The following FOXP2 variants were observed in gnomAD, a reference collection of about 807,000 sequenced individuals.
FOXP2 encodes the protein forkhead box P2, also known as forkhead box protein P2.
A neutral mutation model predicts 115.8 loss-of-function variants in FOXP2; 12 were observed. That is an observed-to-expected ratio of 0.10 (90% CI 0.07 to 0.17). FOXP2 has a LOEUF of 0.17. Among genes scored for constraint, FOXP2 ranks in the 10% least tolerant of loss-of-function variants. The pLI is 1.00. For missense variants in FOXP2, 629 were observed against 843.5 expected, an observed-to-expected ratio of 0.75 and a Z score of 3.15; for synonymous variants, 328 against 297.7, an observed-to-expected ratio of 1.10 and a Z score of -1.05.
intron 2 of FOXP2, among the ~76,000 whole-genome samples, chr7:114,398,548 A>C (rs922846872): frequency 2.6e-5 from 4 of 152,246 alleles, no homozygotes; most frequent in African/African-American, 9.6e-5. Context: ...AACATGAAGA[A>C]AACATTTAAA....
intron 2 of FOXP2, among the ~76,000 whole-genome samples, chr7:114,311,961 C>T (rs1035573288): frequency 6.6e-6 from 1 of 152,076 alleles, no homozygotes; most frequent in Non-Finnish European, 1.5e-5. Context: ...CACTTGTGCA[C>T]CCAGTGTCTT....
intron 2 of FOXP2, chr7:114,366,486 G>A (rs1791885443): frequency 6.6e-6 from 1 of 151,980 alleles, no homozygotes; most frequent in African/African-American, 2.4e-5. Flanking sequence ...TTTGTTTTGT[G>A]TTTGTTTTAA....
chr7:114,648,471 T>C (rs1806045379), intron 8 of FOXP2, among the ~76,000 whole-genome samples: 1 of 152,142 alleles, frequency 6.6e-6, no homozygotes, highest in South Asian at 2.1e-4. Context: ...CCTTTTTAGC[T>C]TATAAAATGC....
intron 3 of FOXP2, among the ~76,000 whole-genome samples, chr7:114,574,694 A>G (rs1331159053): frequency 1.3e-5 from 2 of 151,848 alleles, no homozygotes; most frequent in Non-Finnish European, 2.9e-5. Context: ...AGGTTTTTAC[A>G]CCTAAGTGAA....
At chr7:114,155,476 CAT>C (rs1792639718) in intron 1 of FOXP2, among the ~76,000 whole-genome samples, 1 of 152,084 alleles carries the variant, frequency 6.6e-6, no homozygotes, top group Non-Finnish European at 1.5e-5. Context: ...ATTTCTTTGA[CAT>C]ATTTTGAAAT....
At chr7:114,445,569 A>G (rs1217321739) in intron 2 of FOXP2, among the ~76,000 whole-genome samples, 1 of 152,172 alleles carries the variant, frequency 6.6e-6, no homozygotes, top group Non-Finnish European at 1.5e-5. Context: ...TTCATATCCT[A>G]CTTTGTGGGA....
chr7:114,463,667 G>A lies in FOXP2; in HGVS notation c.168+36988G>A, dbSNP rs1431081177. 2.6e-5 allele frequency among the ~76,000 whole-genome samples: 4 copies of A among 152,092 alleles called. No homozygotes were observed. The South Asian group carries it at 8.3e-4, about 32-fold the overall frequency. On this transcript the variant is annotated intron_variant, in intron 2 of 16. Transcript: ENST00000350908. The stretch of plus-strand genomic sequence containing the variant: ...CTAAGTAAAAAAATACAATTAAAAT[G>A]CAAATCAACATATTTAATACAGTGA...
rs1255368924 is a variant in FOXP2, at chr7:114,134,679, C to T, written c.-246-28265C>T. On this transcript the variant is annotated intron_variant, in intron 1 of 19. Coordinates refer to the FOXP2 transcript ENST00000635638. ...AGTGAGCCGAGATCCCGCCACTGCACTCCAGCCTGGGCGACAGAGCGAGAC... is the reference window on the plus strand; with the variant it reads ...AGTGAGCCGAGATCCCGCCACTGCATTCCAGCCTGGGCGACAGAGCGAGAC... Among the ~76,000 whole-genome samples the T allele has an allele frequency of 4.8e-5, 7 of 145,662 alleles. No individual in the cohort carries two copies. In the Admixed American group the frequency reaches 4.9e-4, roughly 10 times the overall value.
chr7:114,652,701 T>G (rs951427368), intron 9 of FOXP2, among the ~76,000 whole-genome samples: 3 of 152,116 alleles, frequency 2.0e-5, no homozygotes, highest in Non-Finnish European at 2.9e-5. Flanking sequence ...ATATCATGCC[T>G]GTAATATAAC....
chr7:114,364,183 T>C (rs1049348117), intron 2 of FOXP2, among the ~76,000 whole-genome samples: 6 of 152,134 alleles, frequency 3.9e-5, no homozygotes, highest in African/African-American at 1.4e-4. Flanking sequence ...ATATTGAAGG[T>C]TGGTGACAGT....
At chr7:114,477,910 G>A (rs542532232) in intron 2 of FOXP2, among the ~76,000 whole-genome samples, 1 of 151,870 alleles carries the variant, frequency 6.6e-6, no homozygotes, top group Admixed American at 6.6e-5. Context: ...TAAGATAGAA[G>A]ATAACAGCCT....
At chr7:114,213,196 AG>A (rs1415227500) in intron 1 of FOXP2, among the ~76,000 whole-genome samples, 2 of 152,192 alleles carry the variant, frequency 1.3e-5, no homozygotes, top group Non-Finnish European at 2.9e-5. Flanking sequence ...TTATTTACAT[AG>A]GTATTTCTAG....
intron 2 of FOXP2, among the ~76,000 whole-genome samples, chr7:114,430,739 G>T (rs888835948): frequency 6.6e-6 from 1 of 151,860 alleles, no homozygotes; most frequent in African/African-American, 2.4e-5. Context: ...GTGAACATGT[G>T]CTCAGTCTTT....
At chr7:114,635,832 A>T (rs1477960126) in intron 6 of FOXP2, among the ~76,000 whole-genome samples, 4 of 152,206 alleles carry the variant, frequency 2.6e-5, no homozygotes, top group African/African-American at 4.8e-5. Context: ...ATGATGAGAA[A>T]AAGGAAACAT....
chr7:114,495,481 C>CTTTT (rs1797264521), intron 2 of FOXP2, among the ~76,000 whole-genome samples: 1 of 81,902 alleles, frequency 1.2e-5, no homozygotes, highest in African/African-American at 4.7e-5. Flanking sequence ...CTTTCTCTCT[C>CTTTT]TCTTTTTTTT....
intron 3 of FOXP2, among the ~76,000 whole-genome samples, chr7:114,571,868 A>G (rs1470854720): frequency 6.6e-6 from 1 of 151,740 alleles, no homozygotes; most frequent in Non-Finnish European, 1.5e-5. Context: ...AAGGACTACT[A>G]TACACAACTT....
At chr7:114,117,277 A>G (rs1193411160) in intron 1 of FOXP2, among the ~76,000 whole-genome samples, 1 of 150,160 alleles carries the variant, frequency 6.7e-6, no homozygotes, top group Non-Finnish European at 1.5e-5. Context: ...GGTGGAGTGC[A>G]GTGGTGTGAT....
intron 3 of FOXP2, among the ~76,000 whole-genome samples, chr7:114,536,531 G>T (rs1311897409): frequency 6.7e-6 from 1 of 149,184 alleles, no homozygotes; most frequent in Admixed American, 6.8e-5. Context: ...TCTAAAATAA[G>T]AAATTGTTGT....
chr7:114,400,753 C>T (rs1792868175), intron 2 of FOXP2, among the ~76,000 whole-genome samples: 2 of 152,102 alleles, frequency 1.3e-5, no homozygotes, highest in Non-Finnish European at 2.9e-5. Context: ...CTTAATGCTA[C>T]CACTGATTAC....
Sources: allele counts gnomAD v4.1 joint callset (sites outside exome capture counted in the v4.1 genomes callset), GRCh38; gene constraint gnomAD v4.1.1; transcripts MANE v1.5; gene names NCBI Gene and HGNC (gene_info 2026-07-23, HGNC 2026-07-21).